Variants in NBPF20 observed in about 807,000 individuals in gnomAD.
NBPF20 encodes NBPF family member NBPF20.
Under a neutral mutation model 68.1 loss-of-function variants are expected in NBPF20, and 90 were observed. That is an observed-to-expected ratio of 1.32 (90% confidence interval 1.11 to 1.58). NBPF20 has a LOEUF of 1.58. NBPF20 is among the 40% of genes most tolerant of loss of function. The probability of loss-of-function intolerance (pLI) is 0.00; values close to 1 mark genes in which losing one functional copy is unlikely to be tolerated. For synonymous variants in NBPF20, 290 were observed against 228.1 expected (o/e 1.27, Z -2.45); for missense variants, 816 against 601.2 (o/e 1.36, Z -3.74).
chr1:145,408,784 G>A (rs1553668333), upstream of NBPF20, among the ~76,000 whole-genome samples: 1 of 151,840 alleles, frequency 6.6e-6, no homozygotes, highest in Admixed American at 6.6e-5. Flanking sequence ...TAGGGGCCTC[G>A]TACCTGCTTC....
intron 3 of NBPF20, among the ~76,000 whole-genome samples, 172 bp from the exon 9 acceptor site, chr1:145,402,553 G>T (rs1662572590): frequency 6.6e-6 from 1 of 151,922 alleles, no homozygotes; most frequent in Non-Finnish European, 1.5e-5. Context: ...TGGTTTACAG[G>T]CTTCCTCTGT....
At chr1:145,394,484 T>C (rs1300888915) in intron 8 of NBPF20, among the ~76,000 whole-genome samples, 1 of 152,108 alleles carries the variant, frequency 6.6e-6, no homozygotes, top group Non-Finnish European at 1.5e-5. Flanking sequence ...CAAGCGAACT[T>C]AGAAGACACA....
At position 145,400,829 on chromosome 1, in the gene NBPF20, C is replaced by G. The variant is rs1328974980; in HGVS notation, c.566+230G>C. Among the ~76,000 whole-genome samples the G allele has an allele frequency of 7.3e-3, 1,103 of 152,028 alleles. 10 individuals carry two copies. The highest frequency in any genetic ancestry group is 0.011 in the Non-Finnish European group (765 of 68,018). On this transcript the variant is annotated intron_variant, in intron 5 of 137. Coordinates refer to ENST00000369373, the Ensembl canonical transcript of NBPF20. The stretch of plus-strand genomic sequence containing the variant: ...GTTCATTGCACTGGACAGATAGGAG[C>G]TGAGGAGGATGAAGACTCAGCTATC...
rs587596536 is a variant in NBPF20, at chr1:145,404,352, G to A, written c.175+746C>T. 3.9e-3 allele frequency among the ~76,000 whole-genome samples: 591 copies of A among 152,010 alleles called. 4 individuals carry two copies. The highest frequency in any genetic ancestry group is 6.5e-3 in the Non-Finnish European group (444 of 67,984). On this transcript the variant is annotated intron_variant, in intron 2 of 137. Transcript: ENST00000369373. ...TGGCTCACTGCAACATCTGCCTGCT[G>A]GGTTCAAAGGATTCTTCTGCCTCAG...
chr1:145,412,609 ACAT>A, the NBPF20 span, among the ~76,000 whole-genome samples: 1 of 151,306 alleles, frequency 6.6e-6, no homozygotes, highest in South Asian at 2.1e-4. Flanking sequence ...TGAACAAGGG[ACAT>A]CATCATTTAA....
chr1:145,292,364 C>A lies in NBPF20; in HGVS notation c.16697+17G>T, dbSNP rs782304417. The A allele has an allele frequency of 1.8e-4, 122 of 668,482 alleles. 2 individuals are homozygous for A. Among genetic ancestry groups the A allele is most frequent in the South Asian group, 1.4e-3 (83 of 58,648 alleles). 41.4% of individuals were successfully genotyped at this position (668,482 alleles called of 1,614,324 possible). Reference sequence around the variant, plus strand: ...GTGTTAACACAGAATTAAGCATCCACAATTGCTGAAAGTCACCTGGGGCAT... The same window carrying A: ...GTGTTAACACAGAATTAAGCATCCAAAATTGCTGAAAGTCACCTGGGGCAT... On this transcript the variant is annotated intron_variant, in intron 137 of 137. Coordinates refer to ENST00000369373, the Ensembl canonical transcript of NBPF20.
chr1:145,352,290 C>CAA, intron 61 of NBPF20, among the ~76,000 whole-genome samples: 1 of 90,218 alleles, frequency 1.1e-5, no homozygotes, highest in Admixed American at 1.0e-4. Context: ...CAGATAGACA[C>CAA]ACACACACAC....
At chr1:145,407,800 G>A (rs1182246901), upstream of NBPF20, 1 of 155,028 alleles carries the variant, frequency 6.5e-6, no homozygotes, top group African/African-American at 2.4e-5. Flanking sequence ...GACGGGACCT[G>A]TTAGGACACG....
At chr1:145,404,259 CTTTTTGTT>C (rs2101587012) in intron 2 of NBPF20, among the ~76,000 whole-genome samples, 2 of 117,476 alleles carry the variant, frequency 1.7e-5, no homozygotes, top group African/African-American at 7.1e-5. Flanking sequence ...ATTTATTTAT[CTTTTTGTT>C]TGTTTGTTTT....
chr1:145,292,216 G>A, intron 137 of NBPF20, among the ~76,000 whole-genome samples, 165 bp downstream of exon 142: 1 of 149,440 alleles, frequency 6.7e-6, no homozygotes, highest in Non-Finnish European at 1.5e-5. Context: ...AGGGGAGGAA[G>A]AAATGGAAAC....
At position 145,403,274 on chromosome 1, in the gene NBPF20, C is replaced by T. The variant is rs1297329721; in HGVS notation, c.220G>A (p.Glu74Lys). 3.1e-6 allele frequency: 5 copies of T among 1,611,518 alleles called. No individual in the cohort carries two copies. The South Asian group carries it at 5.5e-5, about 18-fold the overall frequency. The change falls in exon 3 of 138, where the codon GAG (glutamate) becomes AAG (lysine). Residue 74 changes from glutamate to lysine, a missense_variant. Physicochemically the swap from Glu to Lys is moderately conservative, Grantham distance 56. Transcript: ENST00000369373. ...AGCTTCTCCTCCTTGAACTGTCGCT[C>T]ATTCCTCAGCATAGATTTTATGAGG...
chr1:145,425,426 G>A, the NBPF20 span, among the ~76,000 whole-genome samples: 12 of 152,244 alleles, frequency 7.9e-5, no homozygotes, highest in Non-Finnish European at 2.9e-5. Context: ...GCCGCGCCTC[G>A]GCCCGCTCCT....
the NBPF20 span, among the ~76,000 whole-genome samples, chr1:145,419,645 T>G: frequency 6.6e-6 from 1 of 151,992 alleles, no homozygotes; most frequent in Non-Finnish European, 1.5e-5. Flanking sequence ...CTCCTCGCAC[T>G]GGCTCCCACT....
At chr1:145,413,296 GACTC>G in the NBPF20 span, among the ~76,000 whole-genome samples, 5 of 149,342 alleles carry the variant, frequency 3.3e-5, no homozygotes, top group Middle Eastern at 0.014. Context: ...CCTATTCTAT[GACTC>G]ACTAATTCCT....
At chr1:145,298,291 A>G (rs1661336408) in intron 129 of NBPF20, among the ~76,000 whole-genome samples, 157 bp from the exon 135 acceptor site, 1 of 127,924 alleles carries the variant, frequency 7.8e-6, no homozygotes, top group East Asian at 2.2e-4. Flanking sequence ...TTGGGACAGA[A>G]CAGGGCCAAA....
chr1:145,394,260 A>T (rs1465410000), intron 8 of NBPF20, among the ~76,000 whole-genome samples: 1 of 151,494 alleles, frequency 6.6e-6, no homozygotes. Flanking sequence ...GAGACACTTC[A>T]ATATTAAGCT....
chr1:145,352,340 CACACACAG>C (rs1661659826), intron 61 of NBPF20, among the ~76,000 whole-genome samples: 1 of 89,180 alleles, frequency 1.1e-5, no homozygotes, highest in African/African-American at 4.2e-5. Flanking sequence ...GACACACACA[CACACACAG>C]AGAGAACGAG....
chr1:145,419,106 AG>A, the NBPF20 span, among the ~76,000 whole-genome samples: 2 of 117,726 alleles, frequency 1.7e-5, no homozygotes, highest in African/African-American at 6.3e-5. Flanking sequence ...GAAGGGAGGG[AG>A]GGAGGGAGGG....
the NBPF20 span, among the ~76,000 whole-genome samples, chr1:145,425,210 C>G: frequency 6.6e-6 from 1 of 152,148 alleles, no homozygotes; most frequent in East Asian, 1.9e-4. Flanking sequence ...CCGGCGGGGC[C>G]GGAACACACG....
Sources: gnomAD v4.1 joint callset for allele counts (sites outside exome capture counted in the v4.1 genomes callset) on GRCh38, gnomAD v4.1.1 for gene constraint, MANE v1.5 for transcripts, NCBI Gene and HGNC (gene_info 2026-07-23, HGNC 2026-07-21) for gene names.